The following LARGE1 variants were observed in gnomAD, a reference collection of about 807,000 sequenced individuals.
LARGE1 encodes LARGE xylosyl- and glucuronyltransferase 1.
LARGE1 carries 43 observed loss-of-function variants against 87.6 expected under a neutral mutation model. The observed-to-expected ratio is 0.49, with a 90% CI of 0.38 to 0.63. The LOEUF (loss-of-function observed/expected upper bound fraction) is 0.63. Ranked by LOEUF, LARGE1 falls within the 30% of genes least tolerant of loss-of-function variation. The pLI, the probability that LARGE1 is intolerant of heterozygous loss-of-function variation, is 0.00. For missense variants in LARGE1, 802 were observed against 1,000.2 expected (o/e 0.80, Z 2.67); for synonymous variants, 434 against 394.6 (o/e 1.10, Z -1.18).
At chr22:33,869,679 G>A (rs2064216459) in intron 1 of LARGE1, among the ~76,000 whole-genome samples, 2 of 152,234 alleles carry the variant, frequency 1.3e-5, no homozygotes, top group African/African-American at 2.4e-5. Context: ...GTCATCCTGG[G>A]AAGGGGGTCC....
intron 2 of LARGE1, among the ~76,000 whole-genome samples, chr22:33,654,246 C>G (rs1440358255): frequency 6.6e-6 from 1 of 152,232 alleles, no homozygotes; most frequent in African/African-American, 2.4e-5. Context: ...TGCCCAACTG[C>G]TGGCATGGAG....
chr22:33,397,488 G>A (rs966372073), intron 7 of LARGE1, among the ~76,000 whole-genome samples: 3 of 152,132 alleles, frequency 2.0e-5, no homozygotes, highest in Non-Finnish European at 2.9e-5. Flanking sequence ...CATACAGTAT[G>A]TGCCCTTTGT....
intron 6 of LARGE1, among the ~76,000 whole-genome samples, chr22:33,448,317 T>C (rs5754555): frequency 0.33 from 50,262 of 152,080 alleles, 9,009 homozygotes; most frequent in African/African-American, 0.46. Context: ...GGAGGGAATG[T>C]GTATGTCAAG....
intron 11 of LARGE1, among the ~76,000 whole-genome samples, chr22:33,207,694 T>C (rs1602093570): frequency 6.6e-6 from 1 of 152,076 alleles, no homozygotes. Flanking sequence ...TTGCTCTATT[T>C]CTTTCTTTTT....
intron 1 of LARGE1, among the ~76,000 whole-genome samples, chr22:33,765,367 A>C (rs2084867597): frequency 6.6e-6 from 1 of 152,120 alleles, no homozygotes. Context: ...CATAACTGTT[A>C]ACTCTCATTC....
intron 6 of LARGE1, among the ~76,000 whole-genome samples, chr22:33,538,417 T>C (rs1047312918): frequency 2.0e-5 from 3 of 152,222 alleles, no homozygotes; most frequent in Non-Finnish European, 4.4e-5. Flanking sequence ...CAACATTACC[T>C]GGCACATAGT....
intron 6 of LARGE1, among the ~76,000 whole-genome samples, chr22:33,442,126 T>C (rs1334675570): frequency 3.3e-5 from 5 of 152,178 alleles, no homozygotes; most frequent in Admixed American, 3.3e-4. Flanking sequence ...CGTTGCTTAT[T>C]ATAAGCAAGA....
At chr22:33,891,018 CTGTGCATATGGGAAGCTGCATACGG>C (rs2064991158) in intron 1 of LARGE1, among the ~76,000 whole-genome samples, 1 of 8,496 alleles carries the variant, frequency 1.2e-4, no homozygotes, top group African/African-American at 3.4e-3. Context: ...CCATATGGTT[CTGTGCATATGGGAAGCTGCATACGG>C]TTCTGTGCAT....
chr22:33,778,657 C>CT (rs1298592638), intron 1 of LARGE1, among the ~76,000 whole-genome samples: 56 of 148,748 alleles, frequency 3.8e-4, no homozygotes, highest in Non-Finnish European at 5.2e-4. Flanking sequence ...GCGCAGTATC[C>CT]TTTTTTTTTT....
At chr22:33,368,471 T>C (rs1289928284) in intron 9 of LARGE1, among the ~76,000 whole-genome samples, 1 of 149,158 alleles carries the variant, frequency 6.7e-6, no homozygotes, top group African/African-American at 2.5e-5. Flanking sequence ...GAAGTGAAGG[T>C]TGCAGTGAGC....
At chr22:33,511,263 T>C (rs2071042638) in intron 6 of LARGE1, among the ~76,000 whole-genome samples, 1 of 152,192 alleles carries the variant, frequency 6.6e-6, no homozygotes, top group East Asian at 1.9e-4. Context: ...GCTGTATGCC[T>C]TGAGGTGGGG....
intron 2 of LARGE1, among the ~76,000 whole-genome samples, chr22:33,722,561 T>A (rs553906269): frequency 6.6e-6 from 1 of 152,238 alleles, no homozygotes; most frequent in East Asian, 1.9e-4. Flanking sequence ...GGAACCGAGC[T>A]GCACATTATG....
chr22:33,644,767 A>G (rs926231473), intron 3 of LARGE1, among the ~76,000 whole-genome samples: 1 of 152,196 alleles, frequency 6.6e-6, no homozygotes, highest in Non-Finnish European at 1.5e-5. Context: ...TACACCAATA[A>G]CAGACAAACA....
chr22:33,389,885 A>C, intron 7 of LARGE1, among the ~76,000 whole-genome samples: 1 of 151,032 alleles, frequency 6.6e-6, no homozygotes, highest in Middle Eastern at 3.5e-3. Context: ...CAACCAACCA[A>C]CCAACCAAAC....
intron 11 of LARGE1, among the ~76,000 whole-genome samples, chr22:33,306,923 A>G (rs1934999108): frequency 6.6e-6 from 1 of 152,004 alleles, no homozygotes; most frequent in Admixed American, 6.6e-5. Flanking sequence ...TGCTGTGCAC[A>G]TGAAAAATAA....
chr22:33,486,794 A>G (rs2069600595), intron 6 of LARGE1, among the ~76,000 whole-genome samples: 1 of 152,150 alleles, frequency 6.6e-6, no homozygotes, highest in Non-Finnish European at 1.5e-5. Context: ...TCTGATGGAG[A>G]GAGGGGACCT....
chr22:33,779,460 C>T (rs1309434415), intron 1 of LARGE1, among the ~76,000 whole-genome samples: 2 of 152,106 alleles, frequency 1.3e-5, no homozygotes, highest in African/African-American at 4.8e-5. Context: ...GAGAAGTAAT[C>T]AAGTTCCTAG....
chr22:33,736,256 C>T (rs190929130), intron 2 of LARGE1, among the ~76,000 whole-genome samples: 125 of 152,310 alleles, frequency 8.2e-4, no homozygotes, highest in Middle Eastern at 3.4e-3. Context: ...ATATTCCCAC[C>T]GGCAATGTAT....
intron 9 of LARGE1, among the ~76,000 whole-genome samples, chr22:33,342,748 G>T (rs1177799121): frequency 2.6e-5 from 4 of 152,178 alleles, no homozygotes. Flanking sequence ...TCTAGTTTGT[G>T]TATTCACTAC....
Sources: gnomAD v4.1 joint callset for allele counts (sites outside exome capture counted in the v4.1 genomes callset) on GRCh38, gnomAD v4.1.1 for gene constraint, MANE v1.5 for transcripts, NCBI Gene and HGNC (gene_info 2026-07-23, HGNC 2026-07-21) for gene names.